ITSN1: variants seen among roughly 807,000 people sequenced by gnomAD.
ITSN1 encodes the protein intersectin 1, also known as intersectin-1.
ITSN1 carries 58 observed loss-of-function variants against 239.8 expected under a neutral mutation model. The ratio of observed to expected loss-of-function variants is 0.24; its 90% CI spans 0.20 to 0.30. The LOEUF is 0.30. ITSN1 is among the 10% of genes least tolerant of loss of function. ITSN1 has a pLI of 1.00. For synonymous variants in ITSN1, 780 were observed against 770.8 expected (o/e 1.01, Z -0.20); for missense variants, 1,558 against 2,103.3 (o/e 0.74, Z 5.07).
At position 33,895,401 on chromosome 21, in the gene ITSN1, CGTG is replaced by C. The variant is rs1986648829; in HGVS notation, c.*7105_*7107del. The C allele has an allele frequency of 6.7e-6, 1 of 149,424 alleles. No homozygotes were observed. The highest frequency in any genetic ancestry group is 6.8e-5 in the Admixed American group (1 of 14,788). 9.3% of individuals were successfully genotyped at this position (149,424 alleles called of 1,614,324 possible). A position where few individuals can be genotyped will look rare whatever the true frequency, so the allele number is the denominator to read the frequency against. Reference sequence around the variant, plus strand: ...GTTGGTGGGACGCAGCAGCTCAGTGCGTGGTGTGTGCATGCGTGTTTGTGCGTG... The same window carrying C: ...GTTGGTGGGACGCAGCAGCTCAGTGCGTGTGTGCATGCGTGTTTGTGCGTG... On this transcript the variant is annotated 3_prime_UTR_variant, in exon 40 of 40. Coordinates refer to ENST00000381318, the MANE Select transcript of ITSN1 (RefSeq NM_003024.3).
intron 1 of ITSN1, among the ~76,000 whole-genome samples, chr21:33,659,120 G>T (rs945494934): frequency 8.5e-5 from 13 of 152,310 alleles, no homozygotes; most frequent in Middle Eastern, 3.4e-3. Context: ...CGTGGTCAGT[G>T]ATCTACTTAA....
chr21:33,676,596 A>C (rs1221278464), intron 1 of ITSN1, among the ~76,000 whole-genome samples: 1 of 152,214 alleles, frequency 6.6e-6, no homozygotes, highest in South Asian at 2.1e-4. Context: ...GTTTTGATGC[A>C]AGCAAATACA....
chr21:33,885,382 A>T (rs1349166274), intron 37 of ITSN1, 57 bp from the exon 38 acceptor site: 6 of 1,466,932 alleles, frequency 4.1e-6, no homozygotes, highest in South Asian at 2.3e-5. Context: ...GCTCACAGAG[A>T]TGGGAAAGGT....
At chr21:33,685,110 T>C (rs1490290962) in intron 1 of ITSN1, among the ~76,000 whole-genome samples, 1 of 152,206 alleles carries the variant, frequency 6.6e-6, no homozygotes, top group Admixed American at 6.5e-5. Flanking sequence ...CACTTCCTTT[T>C]ATTAAAGCAA....
At chr21:33,813,340 A>T (rs1602390139) in intron 21 of ITSN1, among the ~76,000 whole-genome samples, 1 of 149,586 alleles carries the variant, frequency 6.7e-6, no homozygotes, top group Non-Finnish European at 1.5e-5. Flanking sequence ...CAATGCCACC[A>T]CACCCAGCTA....
intron 9 of ITSN1, 84 bp downstream of exon 9, chr21:33,762,070 G>T: frequency 1.1e-6 from 1 of 918,366 alleles, no homozygotes; most frequent in Non-Finnish European, 1.8e-6. Flanking sequence ...GATTAATACC[G>T]TTTTTTATGG....
chr21:33,782,088 T>A lies in ITSN1; in HGVS notation c.1779T>A (p.Thr593=), dbSNP rs1294110442. 6.2e-7 allele frequency: 1 copy of A among 1,613,832 alleles called. No individual in the cohort carries two copies. Among genetic ancestry groups the A allele is most frequent in the South Asian group, 1.1e-5 (1 of 91,068 alleles). The change falls in exon 16 of 40, where the codon ACT becomes ACA. Residue 593 remains threonine (T), a synonymous_variant. Transcript: ENST00000381318. ...AACTGGATGAAGTGGAGAAAGAAAC[T>A]AGATCAAAACTACAGGAGATTGATA... ...RDQLDEVEKE[T]RSKLQEIDIF... is the part of the protein sequence containing the mutation.
chr21:33,798,573 A>G (rs1844320834), intron 18 of ITSN1, among the ~76,000 whole-genome samples: 1 of 152,200 alleles, frequency 6.6e-6, no homozygotes, highest in Admixed American at 6.5e-5. Flanking sequence ...TTTGCAAATA[A>G]TGTTCAGTGG....
intron 14 of ITSN1, among the ~76,000 whole-genome samples, chr21:33,777,937 T>C (rs905223349): frequency 9.9e-5 from 15 of 152,226 alleles, no homozygotes; most frequent in South Asian, 2.1e-4. Context: ...AAACACCTTT[T>C]ATCAGGTTGA....
intron 20 of ITSN1, among the ~76,000 whole-genome samples, chr21:33,804,304 A>G (rs1323234578): frequency 1.3e-5 from 2 of 152,240 alleles, no homozygotes; most frequent in African/African-American, 4.8e-5. Context: ...ATCCAAAACT[A>G]TAATTTTTCA....
chr21:33,709,008 T>G (rs2092333912), intron 1 of ITSN1, among the ~76,000 whole-genome samples: 1 of 152,190 alleles, frequency 6.6e-6, no homozygotes, highest in Non-Finnish European at 1.5e-5. Context: ...GTTTTATTGA[T>G]CTGTCTCTTT....
At chr21:33,715,630 A>C (rs1290098861) in intron 1 of ITSN1, among the ~76,000 whole-genome samples, 1 of 152,220 alleles carries the variant, frequency 6.6e-6, no homozygotes, top group Non-Finnish European at 1.5e-5. Flanking sequence ...AGGCAGCTGC[A>C]ATTTCTAAAG....
At chr21:33,833,465 C>T (rs1284754929) in intron 27 of ITSN1, among the ~76,000 whole-genome samples, 2 of 152,200 alleles carry the variant, frequency 1.3e-5, no homozygotes, top group Admixed American at 1.3e-4. Flanking sequence ...CACTAACTGC[C>T]TGTGGCCTTG....
intron 1 of ITSN1, among the ~76,000 whole-genome samples, chr21:33,703,999 G>GGCCT (rs1487860901): frequency 6.6e-6 from 1 of 152,196 alleles, no homozygotes; most frequent in African/African-American, 2.4e-5. Context: ...ACCTCAGAGA[G>GGCCT]AAGAATGCCT....
chr21:33,651,399 T>A (rs1392026850), intron 1 of ITSN1, among the ~76,000 whole-genome samples: 1 of 152,222 alleles, frequency 6.6e-6, no homozygotes, highest in Non-Finnish European at 1.5e-5. Context: ...TGTCTATGGA[T>A]GTTGACGTTT....
chr21:33,782,507 C>A (rs766959420), intron 16 of ITSN1, among the ~76,000 whole-genome samples: 1 of 152,086 alleles, frequency 6.6e-6, no homozygotes, highest in Non-Finnish European at 1.5e-5. Context: ...ATCTTCATTG[C>A]GCTTAAATGT....
rs562516012 is a variant in ITSN1, at chr21:33,745,892, T to C, written c.347-4251T>C. 2.6e-4 allele frequency among the ~76,000 whole-genome samples: 40 copies of C among 152,218 alleles called. 1 individual carries two copies. The highest frequency in any genetic ancestry group is 3.2e-4 in the Non-Finnish European group (22 of 68,006). On this transcript the variant is annotated intron_variant, in intron 5 of 39. Transcript: ENST00000381318. ...GACTAGCCCTCAAACTGCATGCACG[T>C]ATAGAGAATATGCAGAAAGGCCCTG...
chr21:33,868,165 A>T (rs1361404985), intron 33 of ITSN1, among the ~76,000 whole-genome samples: 2 of 152,040 alleles, frequency 1.3e-5, no homozygotes, highest in Non-Finnish European at 1.5e-5. Context: ...GCCTGTTTTG[A>T]CAGGGGGCTG....
intron 26 of ITSN1, among the ~76,000 whole-genome samples, chr21:33,827,812 A>G (rs1264862251): frequency 6.6e-6 from 1 of 152,232 alleles, no homozygotes; most frequent in East Asian, 1.9e-4. Context: ...CTTTTTGGCT[A>G]TCATATTCTT....
Sources: gnomAD v4.1 joint callset for allele counts (sites outside exome capture counted in the v4.1 genomes callset) on GRCh38, gnomAD v4.1.1 for gene constraint, MANE v1.5 for transcripts, NCBI Gene and HGNC (gene_info 2026-07-23, HGNC 2026-07-21) for gene names.